The following COL21A1 variants were observed in gnomAD, a reference collection of about 807,000 sequenced individuals.
COL21A1 encodes collagen alpha-1(XXI) chain.
Under a neutral mutation model 137.9 loss-of-function variants are expected in COL21A1, and 149 were observed. The observed-to-expected ratio is 1.08, with a 90% CI of 0.95 to 1.24. COL21A1 has a LOEUF of 1.24. Ranked by LOEUF, COL21A1 falls within the 50% of genes most tolerant of loss-of-function variation. The pLI, the probability that COL21A1 is intolerant of heterozygous loss-of-function variation, is 0.00. For synonymous variants in COL21A1, 456 were observed against 391.5 expected (o/e 1.16, Z -1.95); for missense variants, 1,167 against 1,158.4 (o/e 1.01, Z -0.11).
At chr6:56,189,403 A>C (rs893492687) in intron 1 of COL21A1, among the ~76,000 whole-genome samples, 1 of 152,046 alleles carries the variant, frequency 6.6e-6, no homozygotes, top group Non-Finnish European at 1.5e-5. Context: ...ATAAAGTGAA[A>C]AGACAAGATT....
chr6:56,121,505 C>T (rs922841665), intron 16 of COL21A1, among the ~76,000 whole-genome samples: 2 of 124,026 alleles, frequency 1.6e-5, no homozygotes, highest in African/African-American at 5.9e-5. Flanking sequence ...TATGTATATT[C>T]ATATGTGTAT....
At chr6:56,186,347 A>C (rs1035603828) in intron 1 of COL21A1, among the ~76,000 whole-genome samples, 1 of 152,226 alleles carries the variant, frequency 6.6e-6, no homozygotes, top group African/African-American at 2.4e-5. Context: ...AGTAGGACTT[A>C]ACCTATGAAT....
intron 1 of COL21A1, among the ~76,000 whole-genome samples, chr6:56,373,789 T>C (rs1164247206): frequency 1.3e-5 from 2 of 152,222 alleles, no homozygotes. Context: ...TTTTCAAGAA[T>C]ATAATACATT....
intron 16 of COL21A1, among the ~76,000 whole-genome samples, chr6:56,118,618 A>G (rs141732459): frequency 6.1e-4 from 93 of 152,134 alleles, no homozygotes; most frequent in African/African-American, 2.2e-3. Context: ...AGACAAAAAC[A>G]TACCACAAAA....
chr6:56,184,629 T>C (rs927301304), intron 1 of COL21A1, among the ~76,000 whole-genome samples: 3 of 152,196 alleles, frequency 2.0e-5, no homozygotes, highest in Non-Finnish European at 4.4e-5. Flanking sequence ...CACATTGTTT[T>C]GTAATGCATA....
At chr6:56,345,929 G>C (rs995670138) in intron 1 of COL21A1, among the ~76,000 whole-genome samples, 13 of 152,124 alleles carry the variant, frequency 8.5e-5, no homozygotes, top group Non-Finnish European at 1.9e-4. Flanking sequence ...GTGGTTTTAA[G>C]CATCACGTAT....
At chr6:56,345,548 T>C (rs774970160) in intron 1 of COL21A1, among the ~76,000 whole-genome samples, 12 of 152,160 alleles carry the variant, frequency 7.9e-5, no homozygotes, top group Non-Finnish European at 1.5e-4. Flanking sequence ...TTGAAACCAA[T>C]GCTCTTCCCA....
rs1009307824 is a variant in COL21A1 at position 56,215,850 on chromosome 6, T to A, written c.-39+31537A>T. ...GGAATCTCCTTTTCCTGAATACTTA[T>A]AATGCATTATCTGCTAATTGCAAGC... is the stretch of plus-strand genomic sequence containing the variant. On this transcript the variant is annotated intron_variant, in intron 1 of 29. Coordinates refer to ENST00000244728, the MANE Select transcript of COL21A1 (RefSeq NM_030820.4). 2.0e-5 allele frequency among the ~76,000 whole-genome samples: 3 copies of A among 152,134 alleles called. No homozygotes were observed. In the South Asian group the frequency reaches 6.2e-4, roughly 31 times the overall value.
intron 1 of COL21A1, among the ~76,000 whole-genome samples, chr6:56,308,257 C>A (rs1315829494): frequency 3.9e-5 from 6 of 152,234 alleles, no homozygotes; most frequent in East Asian, 3.8e-4. Flanking sequence ...CTTCCATCTT[C>A]TTCCATCTTC....
intron 17 of COL21A1, among the ~76,000 whole-genome samples, chr6:56,085,462 C>T (rs1173456563): frequency 2.0e-5 from 3 of 152,010 alleles, no homozygotes; most frequent in African/African-American, 4.8e-5. Context: ...TTCATATTAT[C>T]ATTTATGACA....
intron 9 of COL21A1, among the ~76,000 whole-genome samples, chr6:56,157,227 T>C (rs1437549932): frequency 6.6e-6 from 1 of 151,854 alleles, no homozygotes; most frequent in African/African-American, 2.4e-5. Context: ...TATGGTAGGA[T>C]ACATTTTTAG....
At chr6:56,311,239 G>A (rs1764606973) in intron 1 of COL21A1, among the ~76,000 whole-genome samples, 1 of 152,230 alleles carries the variant, frequency 6.6e-6, no homozygotes, top group Non-Finnish European at 1.5e-5. Context: ...TCTTGGATTA[G>A]TGTGTAGAAA....
chr6:56,150,494 G>A (rs1775216555), intron 10 of COL21A1, among the ~76,000 whole-genome samples: 1 of 145,174 alleles, frequency 6.9e-6, no homozygotes, highest in Non-Finnish European at 1.5e-5. Flanking sequence ...CTCCAGCCTG[G>A]GCGACAGAGC....
At chr6:56,315,234 C>A (rs1764704758) in intron 1 of COL21A1, among the ~76,000 whole-genome samples, 1 of 152,138 alleles carries the variant, frequency 6.6e-6, no homozygotes, top group Admixed American at 6.5e-5. Context: ...TGACTGTGTT[C>A]TCCACCTGTG....
At chr6:56,290,505 T>TTTTG (rs1434200015) in intron 1 of COL21A1, among the ~76,000 whole-genome samples, 1 of 147,782 alleles carries the variant, frequency 6.8e-6, no homozygotes, top group Non-Finnish European at 1.5e-5. Flanking sequence ...GGAGATTTTT[T>TTTTG]TTTTTTTTTT....
intron 16 of COL21A1, among the ~76,000 whole-genome samples, chr6:56,104,627 G>T (rs10807509): frequency 2.0e-5 from 3 of 151,956 alleles, no homozygotes; most frequent in African/African-American, 7.3e-5. Flanking sequence ...TCTCATATCC[G>T]ATTTATTGTT....
intron 17 of COL21A1, among the ~76,000 whole-genome samples, chr6:56,097,753 T>TTA (rs1390753354): frequency 4.0e-5 from 5 of 124,522 alleles, no homozygotes; most frequent in African/African-American, 1.3e-4. Flanking sequence ...TTTATATTTT[T>TTA]TATATATATA....
chr6:56,066,332 A>G (rs572652706), intron 23 of COL21A1, among the ~76,000 whole-genome samples: 2 of 152,106 alleles, frequency 1.3e-5, no homozygotes, highest in East Asian at 3.9e-4. Context: ...GAACTGTTAT[A>G]ATTGTGGATA....
intron 1 of COL21A1, among the ~76,000 whole-genome samples, chr6:56,369,285 T>C (rs1766171029): frequency 6.6e-6 from 1 of 151,736 alleles, no homozygotes; most frequent in Non-Finnish European, 1.5e-5. Context: ...TCAAGCAGTC[T>C]GATAACAGGG....
Sources: gnomAD v4.1 joint callset for allele counts (sites outside exome capture counted in the v4.1 genomes callset) on GRCh38, gnomAD v4.1.1 for gene constraint, MANE v1.5 for transcripts, NCBI Gene and HGNC (gene_info 2026-07-23, HGNC 2026-07-21) for gene names.